Variants in TMEM131L observed in about 807,000 individuals in gnomAD.
TMEM131L encodes transmembrane protein 131-like.
Under a neutral mutation model 192.2 loss-of-function variants are expected in TMEM131L, and 54 were observed. The observed-to-expected ratio is 0.28, with a 90% CI of 0.23 to 0.35. The LOEUF (loss-of-function observed/expected upper bound fraction) is 0.35, where lower values mean the gene tolerates loss of function less well. TMEM131L is among the 10% of genes least tolerant of loss of function. The pLI, the probability that TMEM131L is intolerant of heterozygous loss-of-function variation, is 1.00. For missense variants in TMEM131L, 1,888 were observed against 1,972.9 expected (o/e 0.96, Z 0.82); for synonymous variants, 701 against 704.9 (o/e 0.99, Z 0.09).
rs201680123 is a variant in TMEM131L at position 153,636,495 on chromosome 4, C to T, written c.4752C>T (p.Asn1584=). ...TCAACCCGTTTCGCGCCTATATGAA[C>T]CTGGACATATGGACTACCACAGCGA... ...PGFNPFRAYM[N]LDIWTTTANR... Residue 1584 remains asparagine, a synonymous_variant, in exon 35 of 35, where the codon AAC becomes AAT. Transcript: ENST00000409959. The T allele has an allele frequency of 1.5e-5, 25 of 1,614,186 alleles. No individual in the cohort carries two copies. In the East Asian group the frequency reaches 5.3e-4, roughly 35 times the overall value.
At chr4:153,591,336 A>C in intron 17 of TMEM131L, 142 bp downstream of exon 17, 1 of 650,242 alleles carries the variant, frequency 1.5e-6, no homozygotes, top group Non-Finnish European at 2.4e-6. Context: ...GAGCAGTAAA[A>C]CTCTAAACAG....
intron 7 of TMEM131L, among the ~76,000 whole-genome samples, chr4:153,577,201 G>A (rs2150690475): frequency 6.6e-6 from 1 of 152,288 alleles, no homozygotes; most frequent in Non-Finnish European, 1.5e-5. Flanking sequence ...CAGTGAGGTT[G>A]GAGCATGCGC....
intron 3 of TMEM131L, among the ~76,000 whole-genome samples, chr4:153,508,707 C>A (rs1328128052): frequency 1.3e-5 from 2 of 150,228 alleles, no homozygotes; most frequent in Admixed American, 1.3e-4. Context: ...GCTCGGACAC[C>A]CAGGCTGGAG....
At chr4:153,520,727 G>A (rs1342635262) in intron 3 of TMEM131L, among the ~76,000 whole-genome samples, 1 of 152,200 alleles carries the variant, frequency 6.6e-6, no homozygotes, top group Non-Finnish European at 1.5e-5. Flanking sequence ...AGCGGGTTTA[G>A]TGAGGAGCAG....
chr4:153,580,724 A>C lies in TMEM131L; in HGVS notation c.661-102A>C, dbSNP rs1304533896. On this transcript the variant is annotated intron_variant, in intron 7 of 34. Transcript: ENST00000409959. ...CAGATACTCAGATATTTATTGAATA[A>C]ATGAAAAAGTGTAGTTTCTGAATAC... 42 of 677,108 alleles carry C rather than the reference A, an allele frequency of 6.2e-5. 2 individuals carry two copies. The East Asian group carries it at 1.1e-3, about 19-fold the overall frequency. 41.9% of individuals were successfully genotyped at this position (677,108 alleles called of 1,614,324 possible).
At chr4:153,560,581 T>G (rs574321861) in intron 7 of TMEM131L, among the ~76,000 whole-genome samples, 70 of 152,352 alleles carry the variant, frequency 4.6e-4, no homozygotes, top group Non-Finnish European at 8.4e-4. Context: ...ACGATCACTG[T>G]CTAATTTTAG....
intron 7 of TMEM131L, among the ~76,000 whole-genome samples, chr4:153,563,211 A>G (rs1728956488): frequency 6.6e-6 from 1 of 152,222 alleles, no homozygotes; most frequent in African/African-American, 2.4e-5. Flanking sequence ...TCAGAGAAGG[A>G]AAAACAGCAG....
chr4:153,496,693 T>C (rs1322504934), intron 3 of TMEM131L, among the ~76,000 whole-genome samples: 1 of 151,082 alleles, frequency 6.6e-6, no homozygotes, highest in Non-Finnish European at 1.5e-5. Flanking sequence ...GAATAACAGG[T>C]GTGAGCCACC....
intron 3 of TMEM131L, among the ~76,000 whole-genome samples, chr4:153,508,489 A>G (rs887550785): frequency 1.3e-5 from 2 of 152,114 alleles, no homozygotes; most frequent in African/African-American, 4.8e-5. Context: ...TAAAAACACA[A>G]TTACTGAGCA....
chr4:153,482,904 T>C (rs1425022380), intron 3 of TMEM131L, among the ~76,000 whole-genome samples: 2 of 152,224 alleles, frequency 1.3e-5, no homozygotes, highest in Admixed American at 6.5e-5. Context: ...AAAAACACTT[T>C]TGGTTCCTCC....
chr4:153,491,825 C>T (rs1170330557), intron 3 of TMEM131L, among the ~76,000 whole-genome samples: 1 of 152,026 alleles, frequency 6.6e-6, no homozygotes, highest in Non-Finnish European at 1.5e-5. Flanking sequence ...TTCCACCTCA[C>T]CCTCCTGAGT....
At chr4:153,538,569 G>C (rs1006788438) in intron 3 of TMEM131L, among the ~76,000 whole-genome samples, 1 of 152,182 alleles carries the variant, frequency 6.6e-6, no homozygotes, top group African/African-American at 2.4e-5. Context: ...GGTTTATTGG[G>C]ATGCTCTGCT....
intron 3 of TMEM131L, 133 bp downstream of exon 3, chr4:153,474,021 T>C (rs1334422867): frequency 8.9e-6 from 5 of 562,880 alleles, no homozygotes; most frequent in Non-Finnish European, 1.5e-5. Context: ...CTTTGGCATT[T>C]GTCGTATCTA....
In TMEM131L at chr4:153,506,983, GT is replaced by G. The variant is rs530040651; in HGVS notation, c.239+33098del. ...CCATAGCTGAAAACTCTTGAAGGTG[GT>G]TTGCTGGCACAGTTTGGGTTCTTTA... On this transcript the variant is annotated intron_variant, in intron 3 of 34. Coordinates refer to ENST00000409959, the MANE Select transcript of TMEM131L (RefSeq NM_001131007.2). Among the ~76,000 whole-genome samples the G allele has an allele frequency of 2.9e-3, 445 of 152,290 alleles. 3 individuals carry two copies. Among genetic ancestry groups the G allele is most frequent in the Non-Finnish European group, 4.6e-3 (310 of 68,024 alleles).
intron 3 of TMEM131L, among the ~76,000 whole-genome samples, chr4:153,536,580 A>T (rs1388957994): frequency 6.6e-6 from 1 of 151,428 alleles, no homozygotes; most frequent in African/African-American, 2.4e-5. Flanking sequence ...GCTTGGCAAA[A>T]CTCTTTACAA....
intron 3 of TMEM131L, among the ~76,000 whole-genome samples, chr4:153,538,196 C>G (rs1736489350): frequency 6.6e-6 from 1 of 152,156 alleles, no homozygotes; most frequent in Admixed American, 6.5e-5. Context: ...GACTTTGTTC[C>G]TTCCAGGTGG....
chr4:153,545,830 A>G (rs1463113750), intron 3 of TMEM131L, among the ~76,000 whole-genome samples: 5 of 152,158 alleles, frequency 3.3e-5, no homozygotes, highest in Non-Finnish European at 7.4e-5. Context: ...CTGTATCAAC[A>G]AGAGCTCAGA....
intron 3 of TMEM131L, among the ~76,000 whole-genome samples, chr4:153,521,351 C>G (rs1223479373): frequency 6.6e-6 from 1 of 152,162 alleles, no homozygotes; most frequent in Non-Finnish European, 1.5e-5. Context: ...AAATGCGTGT[C>G]TCCTCTTGAT....
At chr4:153,541,875 T>TC (rs1219668842) in intron 3 of TMEM131L, among the ~76,000 whole-genome samples, 1 of 152,168 alleles carries the variant, frequency 6.6e-6, no homozygotes. Flanking sequence ...ACTGCTGTGG[T>TC]CCCCCAGGAC....
Sources: gnomAD v4.1 joint callset for allele counts (sites outside exome capture counted in the v4.1 genomes callset) on GRCh38, gnomAD v4.1.1 for gene constraint, MANE v1.5 for transcripts, NCBI Gene and HGNC (gene_info 2026-07-23, HGNC 2026-07-21) for gene names.